The following CABIN1 variants were observed in gnomAD, a reference collection of about 807,000 sequenced individuals.
CABIN1 encodes calcineurin binding protein 1.
Under a neutral mutation model 227.7 loss-of-function variants are expected in CABIN1, and 133 were observed. That is an observed-to-expected ratio of 0.58 (90% CI 0.51 to 0.67). CABIN1 has a LOEUF of 0.67. CABIN1 is among the 30% of genes least tolerant of loss of function. The pLI, the probability that CABIN1 is intolerant of heterozygous loss-of-function variation, is 0.00. For missense variants in CABIN1, 2,408 were observed against 2,852.5 expected (o/e 0.84, Z 3.55); for synonymous variants, 1,086 against 1,155.1 (o/e 0.94, Z 1.21).
At chr22:24,048,821 C>A (rs1207316340) in intron 6 of CABIN1, among the ~76,000 whole-genome samples, 1 of 152,190 alleles carries the variant, frequency 6.6e-6, no homozygotes, top group Admixed American at 6.5e-5. Flanking sequence ...ATTCCCAGGT[C>A]ATCGAGGATC....
At chr22:24,127,806 C>T (rs2043825941) in intron 28 of CABIN1, among the ~76,000 whole-genome samples, 1 of 147,328 alleles carries the variant, frequency 6.8e-6, no homozygotes, top group Non-Finnish European at 1.5e-5. Flanking sequence ...TCTTCAACAA[C>T]TGTATTTAAC....
At chr22:24,173,585 C>T (rs2046951292) in intron 34 of CABIN1, among the ~76,000 whole-genome samples, 1 of 152,208 alleles carries the variant, frequency 6.6e-6, no homozygotes, top group Non-Finnish European at 1.5e-5. Context: ...CCTGTAATCC[C>T]AGCACAGTGG....
chr22:24,083,517 A>C, intron 20 of CABIN1, 128 bp downstream of exon 20: 5 of 988,636 alleles, frequency 5.1e-6, no homozygotes, highest in Non-Finnish European at 6.3e-6. Flanking sequence ...AGGAGAGAAG[A>C]CGGTCTGATG....
chr22:24,175,752 G>T (rs2047066752), intron 34 of CABIN1: 1 of 401,888 alleles, frequency 2.5e-6, no homozygotes, highest in Admixed American at 3.7e-5. Flanking sequence ...GCTTATGTGA[G>T]CTGGAGGGAG....
At chr22:24,159,232 C>G (rs1304558124) in intron 29 of CABIN1, among the ~76,000 whole-genome samples, 1 of 152,234 alleles carries the variant, frequency 6.6e-6, no homozygotes, top group African/African-American at 2.4e-5. Context: ...CCCTGGGGAG[C>G]CCAGAGTCCA....
intron 27 of CABIN1, 122 bp downstream of exon 27, chr22:24,113,870 A>C: frequency 9.7e-7 from 1 of 1,032,344 alleles, no homozygotes. Flanking sequence ...CTGGGCCTCC[A>C]TTTTTCTCCC....
intron 19 of CABIN1, among the ~76,000 whole-genome samples, chr22:24,081,253 A>G (rs111464021): frequency 0.026 from 3,903 of 152,296 alleles, 155 homozygotes; most frequent in African/African-American, 0.089. Flanking sequence ...GATTTGGCCC[A>G]TGGGGTGGTT....
At chr22:24,149,446 G>A (rs2045354156) in intron 29 of CABIN1, among the ~76,000 whole-genome samples, 1 of 152,212 alleles carries the variant, frequency 6.6e-6, no homozygotes, top group Admixed American at 6.5e-5. Context: ...ACTTGTGATA[G>A]GGAAAAGGAC....
At position 24,056,360 on chromosome 22, in the gene CABIN1, G is replaced by A; in HGVS notation, c.1262G>A (p.Arg421Lys). Residue 421 changes from arginine (R) to lysine (K), a missense_variant and splice_region_variant, in exon 10 of 37, where the codon AGG (arginine) becomes AAG (lysine). Transcript: ENST00000263119. ...CTTCTGATGAAGTTCTTGCCGTCCA[G>A]GTACTGTGTATTTTTTCTGATTGTC... The part of the protein sequence containing the change: ...QELLMKFLPS[R>K]LRKLDPEEED... 6.2e-7 allele frequency: 1 copy of A among 1,613,874 alleles called. No individual in the cohort carries two copies.
At chr22:24,139,427 G>C (rs993421353) in intron 29 of CABIN1, among the ~76,000 whole-genome samples, 1 of 152,142 alleles carries the variant, frequency 6.6e-6, no homozygotes, top group African/African-American at 2.4e-5. Context: ...TTAGCCGGGC[G>C]TGGTGGTGCA....
chr22:24,116,792 T>C (rs1246421885), intron 27 of CABIN1, among the ~76,000 whole-genome samples: 1 of 152,200 alleles, frequency 6.6e-6, no homozygotes, highest in Non-Finnish European at 1.5e-5. Flanking sequence ...TGGGGGCATG[T>C]CTGTGCCTTA....
Position 24,167,247 on chromosome 22 carries a change from G to T in CABIN1, c.5616G>T (p.Lys1872Asn). 6.2e-7 allele frequency: 1 copy of T among 1,613,478 alleles called. No homozygotes were observed. Among genetic ancestry groups the T allele is most frequent in the Non-Finnish European group, 8.5e-7 (1 of 1,180,020 alleles). ...DAYRVWQQGQ[K>N]GVAYDLGRVE... is the part of the protein sequence containing the mutation. ...ACCGTGTGTGGCAGCAGGGCCAGAA[G>T]GGTGTGGCCTATGACCTGGGCCGTG... Residue 1872 changes from lysine (K) to asparagine (N), a missense_variant, in exon 32 of 37, where the codon AAG becomes AAT. Transcript: ENST00000263119.
At chr22:24,170,523 A>G (rs998076825) in intron 33 of CABIN1, among the ~76,000 whole-genome samples, 1 of 152,108 alleles carries the variant, frequency 6.6e-6, no homozygotes, top group South Asian at 2.1e-4. Flanking sequence ...GTATTGCCGC[A>G]GGCCCGCAGG....
At chr22:24,027,917 T>C (rs1457630257) in intron 1 of CABIN1, among the ~76,000 whole-genome samples, 1 of 151,958 alleles carries the variant, frequency 6.6e-6, no homozygotes, top group Non-Finnish European at 1.5e-5. Context: ...AGGAGGTCTC[T>C]TCCACTTTGG....
At chr22:24,175,267 C>T (rs1340312939) in intron 34 of CABIN1, among the ~76,000 whole-genome samples, 1 of 152,184 alleles carries the variant, frequency 6.6e-6, no homozygotes, top group African/African-American at 2.4e-5. Flanking sequence ...ATGGCCATGG[C>T]CGCTGAGGCC....
At chr22:24,166,288 C>T (rs957123658) in intron 31 of CABIN1, among the ~76,000 whole-genome samples, 6 of 152,202 alleles carry the variant, frequency 3.9e-5, no homozygotes, top group African/African-American at 7.2e-5. Context: ...CAGAGCTGCC[C>T]GGAGTTCACG....
At chr22:24,136,175 A>G (rs8139439) in intron 29 of CABIN1, among the ~76,000 whole-genome samples, 19,543 of 152,072 alleles carry the variant, frequency 0.13, 1,523 homozygotes, top group East Asian at 0.3. Context: ...GTGCACATAG[A>G]TGCGCATAAA....
chr22:24,016,882 A>G (rs530427395), intron 1 of CABIN1, among the ~76,000 whole-genome samples: 1 of 152,114 alleles, frequency 6.6e-6, no homozygotes, highest in East Asian at 1.9e-4. Context: ...TCTATGAATG[A>G]TTTGAACATT....
At chr22:24,053,057 TTTTTTTCTTTTTTC>T (rs1172012899) in intron 8 of CABIN1, among the ~76,000 whole-genome samples, 1 of 150,446 alleles carries the variant, frequency 6.6e-6, no homozygotes, top group African/African-American at 2.5e-5. Context: ...GCACTGTCCT[TTTTTTTCTTTTTTC>T]TTTTTTCTTT....
Sources: gnomAD v4.1 joint callset for allele counts (sites outside exome capture counted in the v4.1 genomes callset) on GRCh38, gnomAD v4.1.1 for gene constraint, MANE v1.5 for transcripts, NCBI Gene and HGNC (gene_info 2026-07-23, HGNC 2026-07-21) for gene names.